Variants in PODXL observed in about 807,000 individuals in gnomAD.
PODXL encodes the protein podocalyxin.
Under a neutral mutation model 48.9 loss-of-function variants are expected in PODXL, and 20 were observed. The observed-to-expected ratio is 0.41, with a 90% CI of 0.29 to 0.59. PODXL has a LOEUF of 0.59. Ranked by LOEUF, PODXL falls within the 20% of genes least tolerant of loss-of-function variation. PODXL has a pLI of 0.31. For missense variants in PODXL, 606 were observed against 675.1 expected, an observed-to-expected ratio of 0.90 and a Z score of 1.13; for synonymous variants, 295 against 287.4, an observed-to-expected ratio of 1.03 and a Z score of -0.27.
At position 131,504,385 on chromosome 7, in the gene PODXL, C is replaced by T. The variant is rs879181860; in HGVS notation, c.1603G>A (p.Gly535Arg). Residue 535 changes from glycine (G) to arginine (R), a missense_variant, in exon 9 of 9, where the codon GGG becomes AGG. By Grantham distance (125) the Gly-to-Arg change is moderately radical. Coordinates refer to ENST00000378555, the MANE Select transcript of PODXL (RefSeq NM_001018111.3). ...TCCAGAGGGACGATCCAGCTGTCCC[C>T]CAGCTCCCCGTTGAGGCTGACCACC... ...KKVVSLNGELGDSWIVPLDNL... is the reference protein window; with the variant it reads ...KKVVSLNGELRDSWIVPLDNL... 1.9e-6 allele frequency: 3 copies of T among 1,614,192 alleles called. No homozygotes were observed. Among genetic ancestry groups the T allele is most frequent in the Non-Finnish European group, 2.5e-6 (3 of 1,180,020 alleles).
chr7:131,506,000 C>A lies in PODXL; in HGVS notation c.1347G>T (p.Gly449=), dbSNP rs139467549. Residue 449 remains glycine, a synonymous_variant, in exon 8 of 9, where the codon GGG becomes GGT. Coordinates refer to ENST00000378555, the MANE Select transcript of PODXL (RefSeq NM_001018111.3). ...GVSDMKLGDQ[G]PPEEAEDRFS... is the part of the protein sequence containing the mutation. Reference sequence around the variant, plus strand: ...AGCGGTCCTCGGCCTCCTCCGGTGGCCCCTGGTCCCCTAGCTTCATGTCAC... The same window carrying A: ...AGCGGTCCTCGGCCTCCTCCGGTGGACCCTGGTCCCCTAGCTTCATGTCAC... 2.7e-5 allele frequency: 43 copies of A among 1,612,484 alleles called. No individual in the cohort carries two copies. The African/African-American group carries it at 5.2e-4, about 20-fold the overall frequency.
intron 1 of PODXL, among the ~76,000 whole-genome samples, chr7:131,512,431 C>A (rs1346430078): frequency 6.6e-6 from 1 of 151,974 alleles, no homozygotes; most frequent in Non-Finnish European, 1.5e-5. Flanking sequence ...GGCATCTCTG[C>A]GATGATGGTT....
rs994297640 is a variant in PODXL at position 131,509,504 on chromosome 7, G to A, written c.884C>T (p.Thr295Ile). Residue 295 changes from threonine to isoleucine, a missense_variant, in exon 4 of 9, where the codon ACA (threonine) becomes ATA (isoleucine). Physicochemically the swap from Thr to Ile is moderately conservative, Grantham distance 89 (BLOSUM62 -1). Coordinates refer to ENST00000378555, the MANE Select transcript of PODXL (RefSeq NM_001018111.3). Reference sequence around the variant, plus strand: ...CGTTGCCGGGCTCGTGGGCTGCACTGTCTCCTGGGAGGAAGGGGCCGTAGA... The same window carrying A: ...CGTTGCCGGGCTCGTGGGCTGCACTATCTCCTGGGAGGAAGGGGCCGTAGA... Reference protein sequence around the residue: ...ASSTAPSSQETVQPTSPATAL... With the variant: ...ASSTAPSSQEIVQPTSPATAL... 6.2e-7 allele frequency: 1 copy of A among 1,612,820 alleles called. No homozygotes were observed.
chr7:131,541,413 C>T (rs1034008525), intron 1 of PODXL, among the ~76,000 whole-genome samples: 29 of 152,162 alleles, frequency 1.9e-4, no homozygotes, highest in African/African-American at 5.1e-4. Context: ...ACAGGCCAGG[C>T]GCAGTGGCTC....
chr7:131,511,738 G>T (rs900360383), intron 1 of PODXL, among the ~76,000 whole-genome samples: 1 of 152,118 alleles, frequency 6.6e-6, no homozygotes, highest in African/African-American at 2.4e-5. Context: ...TTACAGGCGT[G>T]AGCCACCACG....
chr7:131,544,695 G>A (rs1018251205), intron 1 of PODXL, among the ~76,000 whole-genome samples: 7 of 151,986 alleles, frequency 4.6e-5, no homozygotes, highest in Non-Finnish European at 7.4e-5. Flanking sequence ...CAGTGCCCCC[G>A]GGGCAGGATG....
At chr7:131,544,216 G>A (rs564306205) in intron 1 of PODXL, among the ~76,000 whole-genome samples, 9 of 152,292 alleles carry the variant, frequency 5.9e-5, no homozygotes, top group Non-Finnish European at 1.0e-4. Context: ...CTGTGTACAT[G>A]TGGCGCACCC....
At chr7:131,545,270 T>A (rs1052142611) in intron 1 of PODXL, among the ~76,000 whole-genome samples, 1 of 152,226 alleles carries the variant, frequency 6.6e-6, no homozygotes, top group Non-Finnish European at 1.5e-5. Context: ...CCCAATGGAC[T>A]CTGGGGCAAG....
chr7:131,549,483 G>A (rs1798635419), intron 1 of PODXL, among the ~76,000 whole-genome samples: 1 of 152,166 alleles, frequency 6.6e-6, no homozygotes, highest in Non-Finnish European at 1.5e-5. Context: ...TGAATTTCAG[G>A]TAAGAAGGAG....
intron 5 of PODXL, 82 bp from the exon 6 acceptor site, chr7:131,506,808 C>T (rs1015587955): frequency 6.2e-6 from 9 of 1,461,694 alleles, no homozygotes; most frequent in East Asian, 2.3e-5. Flanking sequence ...CAGCTAAGGT[C>T]GGGACAGTGC....
At chr7:131,524,408 A>AGAGAGAGAGAGAG (rs367857912) in intron 1 of PODXL, among the ~76,000 whole-genome samples, 29 of 149,666 alleles carry the variant, frequency 1.9e-4, no homozygotes, top group Non-Finnish European at 2.8e-4. Flanking sequence ...AGAGAGAGAG[A>AGAGAGAGAGAGAG]AAACAACAAG....
Position 131,524,379 on chromosome 7 carries a change from C to CACAGAGAGAG in PODXL, c.101-12947_101-12946insCTCTCTCTGT, listed in dbSNP as rs746255906. On this transcript the variant is annotated intron_variant, in intron 1 of 8. Transcript: ENST00000378555. Reference sequence around the variant, plus strand: ...ACACACACGCACACACACACACACACAGAGAGAGAGAGAGAGAGAGAGAGA... The same window carrying CACAGAGAGAG: ...ACACACACGCACACACACACACACACACAGAGAGAGAGAGAGAGAGAGAGAGAGAGAGAGA... 9.3e-4 allele frequency among the ~76,000 whole-genome samples: 97 copies of CACAGAGAGAG among 104,100 alleles called. 1 individual carries two copies. The highest frequency in any genetic ancestry group is 1.6e-3 in the East Asian group (6 of 3,670). The allele number at this position is 104,100 out of a possible 152,430, so 68.3% of individuals were successfully genotyped here.
At chr7:131,532,526 G>GC (rs1339143532) in intron 1 of PODXL, among the ~76,000 whole-genome samples, 4 of 150,604 alleles carry the variant, frequency 2.7e-5, no homozygotes, top group Non-Finnish European at 5.9e-5. Context: ...TTGGAGGGGG[G>GC]GTACATTTTT....
At chr7:131,534,784 T>G (rs1044096461) in intron 1 of PODXL, among the ~76,000 whole-genome samples, 5 of 152,194 alleles carry the variant, frequency 3.3e-5, no homozygotes, top group African/African-American at 9.6e-5. Context: ...GTGTGGTGGC[T>G]CACACCTGAA....
rs140483735 is a variant in PODXL at position 131,506,642 on chromosome 7, C to T, written c.1186G>A (p.Gly396Ser). ...ATFNPAQDKC[G>S]IRLASVPGSQ... is the part of the protein sequence containing the mutation. ...CCTGGAACAGATGCCAGCCGTATGC[C>T]GCACTTATCTTGGGCCGGGTTGAAG... The change falls in exon 6 of 9, where the codon GGC (glycine) becomes AGC (serine). Residue 396 changes from glycine (G) to serine (S), a missense_variant. Gly to Ser is a moderately conservative substitution (Grantham distance 56, BLOSUM62 0). Transcript: ENST00000378555. 2.3e-4 allele frequency: 372 copies of T among 1,614,212 alleles called. 1 individual carries two copies. The African/African-American group carries it at 4.2e-3, about 18-fold the overall frequency.
At chr7:131,520,215 A>T in intron 1 of PODXL, 1 of 392,974 alleles carries the variant, frequency 2.5e-6, no homozygotes, top group Non-Finnish European at 5.0e-6. Flanking sequence ...ATGCACCATC[A>T]ACAATCCCAA....
chr7:131,538,747 C>T lies in PODXL; in HGVS notation c.100+17513G>A, dbSNP rs1369693731. 6.6e-5 allele frequency among the ~76,000 whole-genome samples: 10 copies of T among 152,150 alleles called. No individual in the cohort carries two copies. In the East Asian group the frequency reaches 1.3e-3, roughly 21 times the overall value. On this transcript the variant is annotated intron_variant, in intron 1 of 8. Transcript: ENST00000378555. ...CACTCCCCATCCTGCTCCCCACTCC[C>T]GCTCCCACTGTTGTTGCTGTTGCTA...
chr7:131,509,955 C>T (rs1343704323), intron 3 of PODXL, among the ~76,000 whole-genome samples: 2 of 152,052 alleles, frequency 1.3e-5, no homozygotes, highest in South Asian at 2.1e-4. Flanking sequence ...GGCAGGGATT[C>T]GAAGCCAGGA....
Position 131,538,123 on chromosome 7 carries a change from G to A in PODXL, c.100+18137C>T, listed in dbSNP as rs567016985. Among the ~76,000 whole-genome samples the A allele has an allele frequency of 6.6e-5, 10 of 152,248 alleles. No homozygotes were observed. The South Asian group carries it at 2.1e-3, about 32-fold the overall frequency. ...GCCCACTGTGGCCCTGCAGAGTACA[G>A]GAGGGAGATGAACCAGGAGACCAGC... On this transcript the variant is annotated intron_variant, in intron 1 of 8. Transcript: ENST00000378555.
Sources: gnomAD v4.1 joint callset for allele counts (sites outside exome capture counted in the v4.1 genomes callset) on GRCh38, gnomAD v4.1.1 for gene constraint, MANE v1.5 for transcripts, NCBI Gene and HGNC (gene_info 2026-07-23, HGNC 2026-07-21) for gene names.